Variants in RAP1GAP2 observed in about 807,000 individuals in gnomAD.
RAP1GAP2 encodes the protein rap1 GTPase-activating protein 2.
RAP1GAP2 carries 27 observed loss-of-function variants against 95.0 expected under a neutral mutation model. The ratio of observed to expected loss-of-function variants is 0.28; its 90% CI spans 0.21 to 0.39. RAP1GAP2 has a LOEUF of 0.39. Among genes scored for constraint, RAP1GAP2 ranks in the 10% least tolerant of loss-of-function variants. RAP1GAP2 has a pLI of 1.00. For missense variants in RAP1GAP2, 771 were observed against 970.0 expected, an observed-to-expected ratio of 0.79 and a Z score of 2.72; for synonymous variants, 373 against 380.9, an observed-to-expected ratio of 0.98 and a Z score of 0.24.
chr17:2,861,292 T>C (rs2072376514), intron 2 of RAP1GAP2, among the ~76,000 whole-genome samples: 1 of 151,928 alleles, frequency 6.6e-6, no homozygotes, highest in African/African-American at 2.4e-5. Flanking sequence ...AAATAGTTGA[T>C]TGGCTGTTTC....
chr17:3,028,583 C>T (rs146243181), intron 22 of RAP1GAP2, among the ~76,000 whole-genome samples: 1,588 of 152,268 alleles, frequency 0.01, 25 homozygotes, highest in African/African-American at 0.034. Context: ...GCAAAGGGAA[C>T]CTGCAGGGTC....
chr17:2,769,006 C>T (rs1358744519), intron 1 of RAP1GAP2, among the ~76,000 whole-genome samples: 2 of 151,552 alleles, frequency 1.3e-5, no homozygotes, highest in Admixed American at 6.6e-5. Context: ...GCAGGAAGAT[C>T]GCTTGAGGCC....
chr17:2,795,416 C>T (rs561301419), upstream of RAP1GAP2, among the ~76,000 whole-genome samples: 30 of 152,324 alleles, frequency 2.0e-4, no homozygotes, highest in South Asian at 6.2e-3. Flanking sequence ...GGGATGCGTG[C>T]AGGACACGCT....
intron 2 of RAP1GAP2, among the ~76,000 whole-genome samples, chr17:2,847,164 T>A: frequency 6.6e-6 from 1 of 152,094 alleles, no homozygotes; most frequent in Non-Finnish European, 1.5e-5. Context: ...GCCCGCCACG[T>A]TGCCTGGCTA....
rs1375350731 is a variant in RAP1GAP2, at chr17:3,029,958, A to T, written c.2108-964A>T. Among the ~76,000 whole-genome samples, 1 of 151,872 alleles carries T rather than the reference A, an allele frequency of 6.6e-6. No individual in the cohort carries two copies. Among genetic ancestry groups the T allele is most frequent in the Non-Finnish European group, 1.5e-5 (1 of 68,020 alleles). On this transcript the variant is annotated intron_variant, in intron 22 of 24. Transcript: ENST00000254695. The surrounding 1 kb of genome is among the most constrained non-coding windows in gnomAD (Gnocchi z 4.4). Reference sequence around the variant, plus strand: ...CACCTTTTTATCTGTAGCCAACTTAAGGCTGCAGGAGATGAATGTGTGTAA... The same window carrying T: ...CACCTTTTTATCTGTAGCCAACTTATGGCTGCAGGAGATGAATGTGTGTAA...
chr17:2,960,879 C>A (rs753644661), intron 4 of RAP1GAP2, among the ~76,000 whole-genome samples: 5 of 152,214 alleles, frequency 3.3e-5, no homozygotes, highest in Non-Finnish European at 5.9e-5. Flanking sequence ...ACCACGTGTT[C>A]CCCTCCTGCA....
intron 17 of RAP1GAP2, among the ~76,000 whole-genome samples, chr17:3,015,559 T>C (rs917664451): frequency 1.1e-4 from 17 of 152,018 alleles, no homozygotes; most frequent in Non-Finnish European, 2.2e-4. Flanking sequence ...TGGCTCACGC[T>C]TGTAATCCCA....
At chr17:3,002,590 T>C (rs2046199022) in intron 14 of RAP1GAP2, among the ~76,000 whole-genome samples, 1 of 152,146 alleles carries the variant, frequency 6.6e-6, no homozygotes, top group Non-Finnish European at 1.5e-5. Flanking sequence ...TCAGGGGCTG[T>C]GGCAAAGAAG....
chr17:2,757,829 T>G (rs1353432100), intron 1 of RAP1GAP2, among the ~76,000 whole-genome samples: 1 of 152,070 alleles, frequency 6.6e-6, no homozygotes, highest in East Asian at 1.9e-4. Flanking sequence ...CCCCTGGCAC[T>G]GTCTGCTGGG....
At chr17:2,861,501 A>C (rs1339056240) in intron 2 of RAP1GAP2, among the ~76,000 whole-genome samples, 1 of 146,042 alleles carries the variant, frequency 6.8e-6, no homozygotes, top group Non-Finnish European at 1.5e-5. Context: ...TTTGAGACAG[A>C]GTCTCGCCCA....
chr17:2,809,475 C>A (rs1356269847), intron 2 of RAP1GAP2, among the ~76,000 whole-genome samples: 12 of 152,132 alleles, frequency 7.9e-5, no homozygotes, highest in Non-Finnish European at 1.2e-4. Context: ...TGGCCTGTGG[C>A]CCGCCAGCCG....
chr17:2,845,971 G>C (rs9907839), intron 2 of RAP1GAP2, among the ~76,000 whole-genome samples: 119,954 of 151,900 alleles, frequency 0.79, 48,034 homozygotes, highest in African/African-American at 0.94. Flanking sequence ...ATTCCGAGGT[G>C]AGGAATTCGA....
At chr17:2,951,808 C>A (rs902526277) in intron 3 of RAP1GAP2, among the ~76,000 whole-genome samples, 2 of 151,264 alleles carry the variant, frequency 1.3e-5, no homozygotes, top group Non-Finnish European at 2.9e-5. Flanking sequence ...CCGAGGCAGG[C>A]GGATCATTTG....
chr17:2,870,791 G>A lies in RAP1GAP2; in HGVS notation c.81-34493G>A, dbSNP rs973006330. On this transcript the variant is annotated intron_variant, in intron 2 of 24. Transcript: ENST00000254695. The surrounding 1 kb of genome is among the most constrained non-coding windows in gnomAD (Gnocchi z 4.4). ...CTGGGGTAACCCATCTGTGGAAAGG[G>A]TTGGGCCTCAGAAACAGCTGGATCC... Among the ~76,000 whole-genome samples, 1 of 152,132 alleles carries A rather than the reference G, an allele frequency of 6.6e-6. No homozygotes were observed. The highest frequency in any genetic ancestry group is 2.4e-5 in the African/African-American group (1 of 41,420).
intron 2 of RAP1GAP2, among the ~76,000 whole-genome samples, chr17:2,844,272 G>A (rs2071489386): frequency 6.6e-6 from 1 of 151,984 alleles, no homozygotes; most frequent in Admixed American, 6.6e-5. Flanking sequence ...TGCCCGCCTC[G>A]GCCTCCCAAA....
chr17:2,885,028 C>CTTTTTTTT (rs891984333), intron 2 of RAP1GAP2, among the ~76,000 whole-genome samples: 15 of 112,498 alleles, frequency 1.3e-4, no homozygotes, highest in East Asian at 2.5e-4. Flanking sequence ...TTATTTCTTT[C>CTTTTTTTT]TTTTTTTTTT....
intron 3 of RAP1GAP2, among the ~76,000 whole-genome samples, chr17:2,948,771 T>G: frequency 6.9e-6 from 1 of 144,292 alleles, no homozygotes; most frequent in Non-Finnish European, 1.5e-5. Context: ...AAGCTGTGCC[T>G]GTGTGTAGAG....
chr17:2,953,003 A>G (rs764945010), intron 3 of RAP1GAP2, among the ~76,000 whole-genome samples: 4 of 151,802 alleles, frequency 2.6e-5, no homozygotes, highest in East Asian at 1.9e-4. Flanking sequence ...ACAGGGTTTC[A>G]CTATGTTGGC....
intron 17 of RAP1GAP2, among the ~76,000 whole-genome samples, chr17:3,009,196 A>G (rs1317805185): frequency 6.6e-6 from 1 of 152,212 alleles, no homozygotes; most frequent in Non-Finnish European, 1.5e-5. Context: ...GACCCCTGTC[A>G]GAGCCATTGT....
Sources: gnomAD v4.1 joint callset for allele counts (sites outside exome capture counted in the v4.1 genomes callset) on GRCh38, gnomAD v4.1.1 for gene constraint, Gnocchi (gnomAD v3.1) non-coding constraint, MANE v1.5 for transcripts, NCBI Gene and HGNC (gene_info 2026-07-23, HGNC 2026-07-21) for gene names.